The following LRRC4C variants were observed in gnomAD, a reference collection of about 807,000 sequenced individuals.
The protein encoded by LRRC4C is leucine-rich repeat-containing protein 4C.
LRRC4C carries 5 observed loss-of-function variants against 33.6 expected under a neutral mutation model. The ratio of observed to expected loss-of-function variants is 0.15; its 90% CI spans 0.08 to 0.31. The LOEUF (loss-of-function observed/expected upper bound fraction) is 0.31. Among genes scored for constraint, LRRC4C ranks in the 10% least tolerant of loss-of-function variants. The pLI, the probability that LRRC4C is intolerant of heterozygous loss-of-function variation, is 1.00. For missense variants in LRRC4C, 560 were observed against 796.7 expected (o/e 0.70, Z 3.58); for synonymous variants, 329 against 302.0 (o/e 1.09, Z -0.93).
intron 2 of LRRC4C, among the ~76,000 whole-genome samples, chr11:40,768,162 A>G (rs1214487603): frequency 6.6e-6 from 1 of 152,080 alleles, no homozygotes; most frequent in East Asian, 1.9e-4. Flanking sequence ...AGAAATTCAA[A>G]GGATCATCAG....
At chr11:40,930,781 G>A (rs1347227720) in intron 2 of LRRC4C, among the ~76,000 whole-genome samples, 1 of 152,074 alleles carries the variant, frequency 6.6e-6, no homozygotes, top group Non-Finnish European at 1.5e-5. Context: ...TTACATCCAA[G>A]TCTAAAAATG....
intron 2 of LRRC4C, among the ~76,000 whole-genome samples, chr11:40,652,576 T>C (rs1004033947): frequency 2.0e-5 from 3 of 152,150 alleles, no homozygotes; most frequent in Non-Finnish European, 4.4e-5. Context: ...CACAACCCAA[T>C]GTCTTCATTT....
At chr11:40,982,925 T>C (rs748512489) in intron 1 of LRRC4C, among the ~76,000 whole-genome samples, 1 of 152,142 alleles carries the variant, frequency 6.6e-6, no homozygotes, top group Non-Finnish European at 1.5e-5. Context: ...CATGCCATGT[T>C]TGGTTTTCTG....
At chr11:40,837,461 A>C (rs2135597991) in intron 2 of LRRC4C, among the ~76,000 whole-genome samples, 1 of 152,200 alleles carries the variant, frequency 6.6e-6, no homozygotes, top group Non-Finnish European at 1.5e-5. Context: ...TAATAGCAAA[A>C]GCTGAAAAAA....
intron 2 of LRRC4C, among the ~76,000 whole-genome samples, chr11:40,696,750 A>ATGTATATATATATCTGAG (rs577065023): frequency 0.13 from 8,949 of 66,900 alleles, 388 homozygotes; most frequent in East Asian, 0.29. Flanking sequence ...TACACTGTGT[A>ATGTATATATATATCTGAG]TATATATATA....
chr11:41,430,239 C>A (rs1251297300), intron 1 of LRRC4C, among the ~76,000 whole-genome samples: 1 of 152,070 alleles, frequency 6.6e-6, no homozygotes, highest in Non-Finnish European at 1.5e-5. Context: ...TACATGCTAA[C>A]TATTTTTAAT....
chr11:40,757,507 T>C (rs1949011605), intron 2 of LRRC4C, among the ~76,000 whole-genome samples: 1 of 152,042 alleles, frequency 6.6e-6, no homozygotes, highest in Non-Finnish European at 1.5e-5. Context: ...CCTTATTTAT[T>C]TGTTTTTGTT....
At chr11:41,133,588 AC>A (rs1943119893) in intron 1 of LRRC4C, among the ~76,000 whole-genome samples, 1 of 151,324 alleles carries the variant, frequency 6.6e-6, no homozygotes, top group Non-Finnish European at 1.5e-5. Context: ...GGTCGGACAA[AC>A]CTCATTATAC....
chr11:41,371,578 C>G (rs1268441937), intron 1 of LRRC4C, among the ~76,000 whole-genome samples: 2 of 152,174 alleles, frequency 1.3e-5, no homozygotes, highest in Non-Finnish European at 2.9e-5. Flanking sequence ...CTCCCCATTC[C>G]CTGTCTTCTG....
At chr11:40,755,389 C>T (rs890465780) in intron 2 of LRRC4C, among the ~76,000 whole-genome samples, 2 of 152,120 alleles carry the variant, frequency 1.3e-5, no homozygotes, top group African/African-American at 4.8e-5. Flanking sequence ...AAATTAGCCT[C>T]GAACTATACA....
At chr11:40,550,560 AG>A (rs754151659) in intron 3 of LRRC4C, among the ~76,000 whole-genome samples, 2 of 152,234 alleles carry the variant, frequency 1.3e-5, no homozygotes, top group African/African-American at 2.4e-5. Flanking sequence ...AAAAGCAGGA[AG>A]TGCAGAGAGA....
At chr11:40,817,902 C>T (rs1244886305) in intron 2 of LRRC4C, among the ~76,000 whole-genome samples, 1 of 152,090 alleles carries the variant, frequency 6.6e-6, no homozygotes, top group Non-Finnish European at 1.5e-5. Flanking sequence ...ACACACATTG[C>T]TGTCTGCAAA....
chr11:41,242,199 G>T (rs1948278682), intron 1 of LRRC4C, among the ~76,000 whole-genome samples: 1 of 152,008 alleles, frequency 6.6e-6, no homozygotes, highest in South Asian at 2.1e-4. Flanking sequence ...TGATTTTCCA[G>T]TGTTGATTTT....
chr11:41,240,123 T>C (rs1473926423), intron 1 of LRRC4C, among the ~76,000 whole-genome samples: 1 of 152,210 alleles, frequency 6.6e-6, no homozygotes. Flanking sequence ...CAAAAGTGTG[T>C]CCTTGAAATT....
At chr11:40,490,122 A>C (rs1175666837) in intron 3 of LRRC4C, among the ~76,000 whole-genome samples, 1 of 152,194 alleles carries the variant, frequency 6.6e-6, no homozygotes, top group Admixed American at 6.6e-5. Flanking sequence ...TTTGTTAAAT[A>C]AAATTTATAA....
chr11:40,981,154 G>A (rs183421523), intron 1 of LRRC4C, among the ~76,000 whole-genome samples: 43 of 152,214 alleles, frequency 2.8e-4, no homozygotes, highest in Admixed American at 2.2e-3. Flanking sequence ...GGTGGCTCAC[G>A]CCTGTAATCC....
At position 40,297,738 on chromosome 11, in the gene LRRC4C, T is replaced by C. The variant is rs549123710; in HGVS notation, c.-176+21890A>G. On this transcript the variant is annotated intron_variant, in intron 4 of 6. Transcript: ENST00000528697. ...AATGAAAGCTTGCGAGTGCCAAGCCTGTCTCTATGTATGTTACAGATTTCA... is the reference window on the plus strand; with the variant it reads ...AATGAAAGCTTGCGAGTGCCAAGCCCGTCTCTATGTATGTTACAGATTTCA... Among the ~76,000 whole-genome samples, 142 of 152,314 alleles carry C rather than the reference T, an allele frequency of 9.3e-4. 1 individual carries two copies. The highest frequency in any genetic ancestry group is 1.7e-3 in the Non-Finnish European group (116 of 68,034).
intron 2 of LRRC4C, among the ~76,000 whole-genome samples, chr11:40,893,397 A>G (rs1364974448): frequency 6.6e-6 from 1 of 152,098 alleles, no homozygotes; most frequent in Non-Finnish European, 1.5e-5. Context: ...TTCATAACAC[A>G]AAGAAATGAT....
At chr11:40,373,945 A>G (rs1948561809) in intron 3 of LRRC4C, among the ~76,000 whole-genome samples, 1 of 152,216 alleles carries the variant, frequency 6.6e-6, no homozygotes, top group African/African-American at 2.4e-5. Context: ...CCAACCTCAG[A>G]TATTTCTTTA....
Sources: allele counts gnomAD v4.1 joint callset (sites outside exome capture counted in the v4.1 genomes callset), GRCh38; gene constraint gnomAD v4.1.1; transcripts MANE v1.5; gene names NCBI Gene and HGNC (gene_info 2026-07-23, HGNC 2026-07-21).